Variants in ASTN1 observed in about 807,000 individuals in gnomAD.
The protein encoded by ASTN1 is astrotactin-1.
In ASTN1, 41 loss-of-function variants were observed where a neutral mutation model predicts 140.7. That is an observed-to-expected ratio of 0.29 (90% CI 0.23 to 0.38). The LOEUF is 0.38. Ranked by LOEUF, ASTN1 falls within the 10% of genes least tolerant of loss-of-function variation. The probability of loss-of-function intolerance (pLI) is 1.00; values close to 1 mark genes in which losing one functional copy is unlikely to be tolerated. For missense variants in ASTN1, 1,479 were observed against 1,678.8 expected (o/e 0.88, Z 2.08); for synonymous variants, 640 against 652.2 (o/e 0.98, Z 0.29).
intron 16 of ASTN1, among the ~76,000 whole-genome samples, chr1:176,921,821 T>G (rs1670736233): frequency 6.6e-6 from 1 of 152,174 alleles, no homozygotes; most frequent in Non-Finnish European, 1.5e-5. Flanking sequence ...CAAGACTGCC[T>G]TCAGCATGAT....
chr1:176,951,518 A>G (rs934346294), intron 11 of ASTN1, among the ~76,000 whole-genome samples: 3 of 152,152 alleles, frequency 2.0e-5, no homozygotes, highest in African/African-American at 7.2e-5. Flanking sequence ...TTCCCACCTC[A>G]TATGGTTTCA....
chr1:176,925,337 T>C (rs1286796755), intron 16 of ASTN1, among the ~76,000 whole-genome samples: 9 of 152,106 alleles, frequency 5.9e-5, no homozygotes, highest in Non-Finnish European at 4.4e-5. Context: ...TCAAGATAAA[T>C]ATATAGACTT....
chr1:177,061,523 T>C (rs778959003), intron 1 of ASTN1, among the ~76,000 whole-genome samples: 47 of 152,320 alleles, frequency 3.1e-4, no homozygotes, highest in South Asian at 1.5e-3. Flanking sequence ...GAAAAAAATA[T>C]CAAGGTGAAA....
At chr1:176,897,731 GAA>G (rs1434383321) in intron 16 of ASTN1, among the ~76,000 whole-genome samples, 1 of 152,084 alleles carries the variant, frequency 6.6e-6, no homozygotes, top group Admixed American at 6.5e-5. Flanking sequence ...ACCCGACAGA[GAA>G]AAATATAGAG....
rs561632887 is a variant in ASTN1, at chr1:176,950,264, C to T, written c.1888-913G>A. Among the ~76,000 whole-genome samples the T allele has an allele frequency of 7.2e-5, 11 of 152,248 alleles. No homozygotes were observed. In the East Asian group the frequency reaches 2.1e-3, roughly 30 times the overall value. On this transcript the variant is annotated intron_variant, in intron 11 of 22. Coordinates refer to ENST00000361833, the MANE Select transcript of ASTN1 (RefSeq NM_004319.3). ...CAGGAGGTAAGCAGTATGATCATCC[C>T]CATTTTGCATATGAGGCAACTGAGG...
At chr1:176,926,977 C>T (rs996266365) in intron 16 of ASTN1, among the ~76,000 whole-genome samples, 2 of 152,214 alleles carry the variant, frequency 1.3e-5, no homozygotes, top group Non-Finnish European at 2.9e-5. Flanking sequence ...GTTTACTATC[C>T]TGGGAGAGGA....
Position 177,037,939 on chromosome 1 carries a change from T to C in ASTN1, c.472-5090A>G, listed in dbSNP as rs1408972969. Among the ~76,000 whole-genome samples, 5 of 152,212 alleles carry C rather than the reference T, an allele frequency of 3.3e-5. No homozygotes were observed. The East Asian group carries it at 9.6e-4, about 29-fold the overall frequency. ...AGTCAGCTTTTATTTTATTATGAAA[T>C]TGACATTTTCAGCACTTACTTAAGA... On this transcript the variant is annotated intron_variant, in intron 2 of 22. Transcript: ENST00000361833.
intron 1 of ASTN1, among the ~76,000 whole-genome samples, chr1:177,133,365 A>G (rs988473423): frequency 6.6e-6 from 1 of 152,226 alleles, no homozygotes; most frequent in Non-Finnish European, 1.5e-5. Context: ...CTCTTTCCAC[A>G]ACATCTTGTC....
chr1:177,147,888 T>G (rs368242962), intron 1 of ASTN1, among the ~76,000 whole-genome samples: 221 of 152,266 alleles, frequency 1.5e-3, no homozygotes, highest in African/African-American at 5.0e-3. Flanking sequence ...AGCTCTCTCA[T>G]AAGCAATCCT....
intron 2 of ASTN1, among the ~76,000 whole-genome samples, chr1:177,056,680 A>G (rs1677824688): frequency 6.6e-6 from 1 of 152,074 alleles, no homozygotes; most frequent in East Asian, 1.9e-4. Flanking sequence ...TAACACTGCC[A>G]TCTTTAATTA....
At chr1:176,900,065 A>G (rs943369046) in intron 16 of ASTN1, among the ~76,000 whole-genome samples, 1 of 152,228 alleles carries the variant, frequency 6.6e-6, no homozygotes, top group African/African-American at 2.4e-5. Context: ...TGGAGTGAAT[A>G]TATTAAGTCA....
intron 2 of ASTN1, among the ~76,000 whole-genome samples, chr1:177,040,335 A>G (rs113617936): frequency 3.9e-5 from 6 of 152,326 alleles, no homozygotes; most frequent in African/African-American, 1.4e-4. Flanking sequence ...GGCTCCTGGT[A>G]TGAATTGCAT....
At chr1:176,940,956 CTCTT>C (rs1671689536) in intron 14 of ASTN1, among the ~76,000 whole-genome samples, 1 of 152,180 alleles carries the variant, frequency 6.6e-6, no homozygotes. Flanking sequence ...GAGGAGGAGA[CTCTT>C]TCCAAACATC....
chr1:177,144,321 C>T (rs1029514911), intron 1 of ASTN1, among the ~76,000 whole-genome samples: 2 of 150,790 alleles, frequency 1.3e-5, no homozygotes, highest in Admixed American at 6.6e-5. Context: ...GGCGCGATCT[C>T]GGCTCACTGC....
At chr1:177,130,013 A>T (rs1054246096) in intron 1 of ASTN1, among the ~76,000 whole-genome samples, 5 of 152,152 alleles carry the variant, frequency 3.3e-5, no homozygotes, top group Middle Eastern at 3.2e-3. Context: ...CTTCAATGTG[A>T]GTATTATTAC....
rs113802651 is a variant in ASTN1 at position 176,957,681 on chromosome 1, G to A, written c.1884C>T (p.Cys628=). The change falls in exon 11 of 23, where the codon TGC becomes TGT. Residue 628 remains cysteine, a synonymous_variant. Coordinates refer to ENST00000361833, the MANE Select transcript of ASTN1 (RefSeq NM_004319.3). ...ISDRKLDSTG[C]VCPSGLSPMK... is the part of the protein sequence containing the mutation. ...CTAGCTTGCAGGGCAGACCTACCAC[G>A]CAACCAGTGGAGTCCAGCTTGCGAT... The A allele has an allele frequency of 4.5e-4, 731 of 1,613,808 alleles. 6 individuals are homozygous for A. The African/African-American group carries it at 7.5e-3, about 17-fold the overall frequency.
chr1:177,107,407 A>G (rs1680602771), intron 1 of ASTN1, among the ~76,000 whole-genome samples: 1 of 152,220 alleles, frequency 6.6e-6, no homozygotes, highest in South Asian at 2.1e-4. Context: ...CAAAGTGGAC[A>G]TGGCAAGAGA....
At chr1:176,953,696 T>C (rs1672287338) in intron 11 of ASTN1, among the ~76,000 whole-genome samples, 1 of 152,130 alleles carries the variant, frequency 6.6e-6, no homozygotes, top group South Asian at 2.1e-4. Context: ...TGGGAAACCA[T>C]TGTAGATAGC....
chr1:176,891,367 T>C (rs1430927739), intron 17 of ASTN1, among the ~76,000 whole-genome samples: 1 of 152,246 alleles, frequency 6.6e-6, no homozygotes, highest in Non-Finnish European at 1.5e-5. Context: ...TTCATTTATT[T>C]AGCAGAAAAT....
Sources: allele counts gnomAD v4.1 joint callset (sites outside exome capture counted in the v4.1 genomes callset), GRCh38; gene constraint gnomAD v4.1.1; transcripts MANE v1.5; gene names NCBI Gene and HGNC (gene_info 2026-07-23, HGNC 2026-07-21).